The following ACSF2 variants were observed in gnomAD, a reference collection of about 807,000 sequenced individuals.
ACSF2 encodes acyl-CoA synthetase family member 2.
In ACSF2, 52 loss-of-function variants were observed where a neutral mutation model predicts 79.3. That is an observed-to-expected ratio of 0.66 (90% CI 0.53 to 0.83). The LOEUF (loss-of-function observed/expected upper bound fraction) is 0.83. Among genes scored for constraint, ACSF2 ranks in the 40% least tolerant of loss-of-function variants. ACSF2 has a pLI of 0.00. For missense variants in ACSF2, 661 were observed against 803.3 expected, an observed-to-expected ratio of 0.82 and a Z score of 2.14; for synonymous variants, 283 against 312.6, an observed-to-expected ratio of 0.91 and a Z score of 1.00.
chr17:50,464,779 G>GGGGGT, intron 10 of ACSF2: 1 of 259,842 alleles, frequency 3.8e-6, no homozygotes, highest in Non-Finnish European at 7.4e-6. Flanking sequence ...TGGGGGGGGG[G>GGGGGT]TCTCAGCAAC....
At chr17:50,450,600 A>G (rs945491902) in intron 1 of ACSF2, 3 of 151,988 alleles carry the variant, frequency 2.0e-5, no homozygotes, top group African/African-American at 7.3e-5. Context: ...ATAGCTTCTC[A>G]TAGTACTACC....
At chr17:50,434,742 G>C (rs558325628) in intron 1 of ACSF2, among the ~76,000 whole-genome samples, 37 of 151,464 alleles carry the variant, frequency 2.4e-4, no homozygotes, top group Non-Finnish European at 2.7e-4. Flanking sequence ...GTAGTCGTTT[G>C]TAGTTTGTTC....
At position 50,473,814 on chromosome 17, in the gene ACSF2, A is replaced by C; in HGVS notation, c.1617+8A>C. On this transcript the variant is annotated splice_region_variant and intron_variant, in intron 13 of 15. Coordinates refer to ENST00000300441, the MANE Select transcript of ACSF2 (RefSeq NM_025149.6). ...AAGGTGCAGGAAGTGCAGGTGAGGC[A>C]CTTGGCTCAGGTGAGCCCCCAGAAA... 6.2e-7 allele frequency: 1 copy of C among 1,614,172 alleles called. No homozygotes were observed. Among genetic ancestry groups the C allele is most frequent in the Non-Finnish European group, 8.5e-7 (1 of 1,179,990 alleles).
At chr17:50,440,132 G>A (rs185367767) in intron 1 of ACSF2, among the ~76,000 whole-genome samples, 78 of 151,848 alleles carry the variant, frequency 5.1e-4, no homozygotes, top group Admixed American at 4.4e-3. Flanking sequence ...CCTCCCATGG[G>A]GGGTAAGGAG....
chr17:50,463,624 CT>C lies in ACSF2; in HGVS notation c.1046+75del, dbSNP rs1307936008. The C allele has an allele frequency of 3.8e-6, 6 of 1,574,466 alleles. No individual in the cohort carries two copies. The African/African-American group carries it at 6.7e-5, about 18-fold the overall frequency. On this transcript the variant is annotated intron_variant, in intron 8 of 15. Coordinates refer to ENST00000300441, the MANE Select transcript of ACSF2 (RefSeq NM_025149.6). The surrounding 1 kb of genome is among the most constrained non-coding windows in gnomAD (Gnocchi z 4.6). The stretch of plus-strand genomic sequence containing the variant: ...CTTCCTCACTCCTGGGCCCTGACAC[CT>C]TTCCAAGCTGCCTCCTCCCTCCAGC...
intron 1 of ACSF2, among the ~76,000 whole-genome samples, chr17:50,445,641 A>AAT (rs2031250466): frequency 6.6e-6 from 1 of 151,848 alleles, no homozygotes; most frequent in African/African-American, 2.4e-5. Context: ...TACAAAAAAA[A>AAT]TTTTTTTTAA....
intron 10 of ACSF2, among the ~76,000 whole-genome samples, chr17:50,469,673 C>T (rs563256911): frequency 6.6e-6 from 1 of 152,354 alleles, no homozygotes; most frequent in East Asian, 1.9e-4. Flanking sequence ...CCTCCTTCAT[C>T]GCCCCGAAAT....
At chr17:50,444,207 G>A (rs1278499181) in intron 1 of ACSF2, among the ~76,000 whole-genome samples, 2 of 152,000 alleles carry the variant, frequency 1.3e-5, no homozygotes, top group African/African-American at 4.8e-5. Context: ...CAGCTTTTTG[G>A]CCCCGGTGGT....
chr17:50,472,527 G>T lies in ACSF2; in HGVS notation c.1423G>T (p.Glu475Ter). The change falls in exon 12 of 16, where the codon GAG becomes TAG. Residue 475 changes from glutamate (E) to a stop codon, truncating the protein, a stop_gained. Coordinates refer to ENST00000300441, the MANE Select transcript of ACSF2 (RefSeq NM_025149.6). LOFTEE classifies it high-confidence loss of function. The stretch of plus-strand genomic sequence containing the variant: ...CTGCGTCATGCTGGGCTACTGGGGT[G>T]AGCCTCAGAAGACAGAGGAAGCAGT... ...GYCVMLGYWG[E>*]PQKTEEAVDQ... The T allele has an allele frequency of 6.2e-7, 1 of 1,612,580 alleles. No homozygotes were observed. The highest frequency in any genetic ancestry group is 8.5e-7 in the Non-Finnish European group (1 of 1,179,352).
chr17:50,445,182 T>C (rs1024098621), intron 1 of ACSF2, among the ~76,000 whole-genome samples: 4 of 152,184 alleles, frequency 2.6e-5, no homozygotes, highest in African/African-American at 9.7e-5. Context: ...CCCAAAGTGT[T>C]GGGATTATAG....
chr17:50,468,293 C>A (rs749255823), intron 10 of ACSF2: 13 of 1,613,564 alleles, frequency 8.1e-6, no homozygotes, highest in Non-Finnish European at 8.5e-6. Context: ...GTAGAGCCAG[C>A]GCAGGTCCTT....
At chr17:50,430,058 T>C (rs939015912) in intron 1 of ACSF2, among the ~76,000 whole-genome samples, 3 of 152,172 alleles carry the variant, frequency 2.0e-5, no homozygotes, top group African/African-American at 7.2e-5. Flanking sequence ...ATCCAGGGTG[T>C]TGAGAACACT....
chr17:50,429,927 A>C (rs542176891), intron 1 of ACSF2, among the ~76,000 whole-genome samples: 15 of 152,180 alleles, frequency 9.9e-5, no homozygotes, highest in Non-Finnish European at 1.9e-4. Context: ...AAGAAGGTGG[A>C]TGGCTTAGTC....
At chr17:50,464,767 C>CG in intron 10 of ACSF2, 1 of 135,996 alleles carries the variant, frequency 7.4e-6, no homozygotes, top group South Asian at 5.2e-5. Flanking sequence ...TTCTGATTGA[C>CG]TTGGGGGGGG....
At chr17:50,432,182 G>T (rs1330594415) in intron 1 of ACSF2, among the ~76,000 whole-genome samples, 5 of 152,188 alleles carry the variant, frequency 3.3e-5, no homozygotes, top group Admixed American at 2.6e-4. Flanking sequence ...GGGATTACAG[G>T]TGTGAGCCAC....
intron 10 of ACSF2, chr17:50,465,172 C>T: frequency 8.4e-7 from 1 of 1,196,376 alleles, no homozygotes; most frequent in Non-Finnish European, 1.2e-6. Flanking sequence ...GTCCCCTCCT[C>T]TCTCTGTAAA....
intron 1 of ACSF2, among the ~76,000 whole-genome samples, chr17:50,442,104 A>C (rs2030966905): frequency 6.6e-6 from 1 of 152,114 alleles, no homozygotes; most frequent in Non-Finnish European, 1.5e-5. Context: ...CAGAAGTTCA[A>C]GACCAGCCTG....
chr17:50,469,281 C>T (rs1567863177), intron 10 of ACSF2, among the ~76,000 whole-genome samples: 2 of 152,232 alleles, frequency 1.3e-5, no homozygotes, highest in Non-Finnish European at 2.9e-5. Context: ...CACACACGCT[C>T]GGCCGGGTGC....
At chr17:50,447,012 A>T (rs2031345510) in intron 1 of ACSF2, among the ~76,000 whole-genome samples, 1 of 152,132 alleles carries the variant, frequency 6.6e-6, no homozygotes, top group Non-Finnish European at 1.5e-5. Context: ...TATGCACATT[A>T]TTTTTTAAGT....
Sources: gnomAD v4.1 joint callset for allele counts (sites outside exome capture counted in the v4.1 genomes callset) on GRCh38, gnomAD v4.1.1 for gene constraint, Gnocchi (gnomAD v3.1) non-coding constraint, MANE v1.5 for transcripts, NCBI Gene and HGNC (gene_info 2026-07-23, HGNC 2026-07-21) for gene names.